Variants in PPP3R1 observed in about 807,000 individuals in gnomAD.
PPP3R1 encodes the protein protein phosphatase 3 regulatory subunit B, alpha, also known as calcineurin subunit B type 1.
Under a neutral mutation model 22.6 loss-of-function variants are expected in PPP3R1, and 5 were observed. The observed-to-expected ratio is 0.22, with a 90% CI of 0.12 to 0.46. PPP3R1 has a LOEUF of 0.46. Among genes scored for constraint, PPP3R1 ranks in the 20% least tolerant of loss-of-function variants. The pLI, the probability that PPP3R1 is intolerant of heterozygous loss-of-function variation, is 0.99. For synonymous variants in PPP3R1, 56 were observed against 65.2 expected, an observed-to-expected ratio of 0.86 and a Z score of 0.68; for missense variants, 61 against 203.2, an observed-to-expected ratio of 0.30 and a Z score of 4.25.
chr2:68,224,370 G>C (rs181393235), intron 1 of PPP3R1, among the ~76,000 whole-genome samples: 68 of 152,178 alleles, frequency 4.5e-4, no homozygotes, highest in African/African-American at 1.6e-3. Context: ...GACTTAAAGA[G>C]TTATGAAGGG....
chr2:68,212,606 T>G (rs757533476), intron 2 of PPP3R1, among the ~76,000 whole-genome samples: 1 of 152,250 alleles, frequency 6.6e-6, no homozygotes, highest in Non-Finnish European at 1.5e-5. Flanking sequence ...GCATTGTCAA[T>G]GAGCAACAAT....
intron 1 of PPP3R1, among the ~76,000 whole-genome samples, chr2:68,230,011 C>CACACACACACACACACACACACACACAT (rs1421392496): frequency 7.2e-6 from 1 of 139,564 alleles, no homozygotes; most frequent in African/African-American, 2.7e-5. Context: ...CACACACACA[C>CACACACACACACACACACACACACACAT]ATATATATTT....
At chr2:68,229,965 T>G (rs1006515550) in intron 1 of PPP3R1, among the ~76,000 whole-genome samples, 2 of 49,494 alleles carry the variant, frequency 4.0e-5, no homozygotes, top group South Asian at 9.3e-4. Context: ...TGTGTATATA[T>G]ACACACATAC....
intron 1 of PPP3R1, among the ~76,000 whole-genome samples, chr2:68,247,817 T>C (rs893428245): frequency 1.3e-5 from 2 of 152,210 alleles, no homozygotes; most frequent in Non-Finnish European, 2.9e-5. Context: ...GTATCTCCTG[T>C]AGGATCCCTA....
At chr2:68,224,546 C>G (rs1223213688) in intron 1 of PPP3R1, among the ~76,000 whole-genome samples, 1 of 151,976 alleles carries the variant, frequency 6.6e-6, no homozygotes, top group East Asian at 1.9e-4. Flanking sequence ...CGCCTGCAAT[C>G]CCAGCTACTC....
chr2:68,199,045 C>T lies in PPP3R1; in HGVS notation c.44-10355G>A, dbSNP rs146036948. Among the ~76,000 whole-genome samples, 26 of 152,270 alleles carry T rather than the reference C, an allele frequency of 1.7e-4. No individual in the cohort carries two copies. The East Asian group carries it at 5.0e-3, about 29-fold the overall frequency. ...GTGGCACGATCTTGGCTCACTGCCA[C>T]CTCCGCCTCCTGGGTTCACACCATT... is the stretch of plus-strand genomic sequence containing the variant. On this transcript the variant is annotated intron_variant, in intron 2 of 5. Coordinates refer to ENST00000234310, the MANE Select transcript of PPP3R1 (RefSeq NM_000945.4).
chr2:68,234,341 C>T (rs970974305), intron 1 of PPP3R1, among the ~76,000 whole-genome samples: 6 of 128,362 alleles, frequency 4.7e-5, no homozygotes, highest in African/African-American at 1.7e-4. Context: ...AGACTCCGTC[C>T]AAAAAAAAAA....
chr2:68,247,655 T>G (rs1670262273), intron 1 of PPP3R1, among the ~76,000 whole-genome samples: 1 of 152,210 alleles, frequency 6.6e-6, no homozygotes, highest in Non-Finnish European at 1.5e-5. Context: ...TCCCCATGTA[T>G]TCCTAAAACC....
intron 1 of PPP3R1, among the ~76,000 whole-genome samples, chr2:68,246,519 A>C (rs1670239589): frequency 6.6e-6 from 1 of 152,096 alleles, no homozygotes; most frequent in South Asian, 2.1e-4. Flanking sequence ...ATTACAACAA[A>C]CTACTATTGA....
intron 2 of PPP3R1, among the ~76,000 whole-genome samples, chr2:68,190,716 C>T (rs1005508090): frequency 1.1e-4 from 16 of 152,262 alleles, no homozygotes; most frequent in African/African-American, 3.9e-4. Context: ...AAACTAAGGA[C>T]ACAGATGAAG....
chr2:68,188,761 C>A, intron 2 of PPP3R1, 71 bp from the exon 3 acceptor site: 16 of 1,360,196 alleles, frequency 1.2e-5, no homozygotes, highest in East Asian at 5.3e-5. Flanking sequence ...TGGGCAGTAG[C>A]AAGATTTTAA....
chr2:68,236,258 G>C (rs1670017722), intron 1 of PPP3R1, among the ~76,000 whole-genome samples: 1 of 152,048 alleles, frequency 6.6e-6, no homozygotes, highest in African/African-American at 2.4e-5. Flanking sequence ...ACATGCGTTT[G>C]TAAAGTTTTA....
At chr2:68,236,984 A>G (rs146542362) in intron 1 of PPP3R1, among the ~76,000 whole-genome samples, 10 of 152,306 alleles carry the variant, frequency 6.6e-5, no homozygotes, top group Non-Finnish European at 1.3e-4. Context: ...AGGAGCTTTA[A>G]AGTAAGCAAG....
intron 1 of PPP3R1, among the ~76,000 whole-genome samples, chr2:68,241,083 G>T (rs1670119343): frequency 6.6e-6 from 1 of 152,076 alleles, no homozygotes; most frequent in South Asian, 2.1e-4. Flanking sequence ...CTCTACAGTG[G>T]TCCCTCAGTA....
rs1425583097 is a variant in PPP3R1 at position 68,180,781 on chromosome 2, T to G, written c.*182A>C. Reference sequence around the variant, plus strand: ...CAGACTTTAAAGTGCTACACTGAGTTATTGAGAGAATTACAGTTCAATAAC... The same window carrying G: ...CAGACTTTAAAGTGCTACACTGAGTGATTGAGAGAATTACAGTTCAATAAC... On this transcript the variant is annotated 3_prime_UTR_variant, in exon 6 of 6. Coordinates refer to ENST00000234310, the MANE Select transcript of PPP3R1 (RefSeq NM_000945.4). 1 of 614,494 alleles carries G rather than the reference T, an allele frequency of 1.6e-6. No individual in the cohort carries two copies. Among genetic ancestry groups the G allele is most frequent in the Admixed American group, 2.8e-5 (1 of 35,188 alleles). The allele number at this position is 614,494 out of a possible 1,614,324, so 38.1% of individuals were successfully genotyped here. A position where few individuals can be genotyped will look rare whatever the true frequency, so the allele number is the denominator to read the frequency against.
At chr2:68,185,468 T>TTA (rs561481581) in intron 5 of PPP3R1, among the ~76,000 whole-genome samples, 4 of 147,806 alleles carry the variant, frequency 2.7e-5, no homozygotes, top group East Asian at 1.9e-4. Context: ...AATTTATATA[T>TTA]TATATATATG....
chr2:68,247,886 A>G (rs540483751), intron 1 of PPP3R1, among the ~76,000 whole-genome samples: 2 of 152,282 alleles, frequency 1.3e-5, no homozygotes, highest in East Asian at 1.9e-4. Context: ...ATAAATTACT[A>G]TAATTATTTC....
intron 1 of PPP3R1, among the ~76,000 whole-genome samples, chr2:68,245,982 GT>G (rs368307976): frequency 3.9e-4 from 58 of 150,262 alleles, no homozygotes; most frequent in African/African-American, 1.4e-3. Flanking sequence ...ACATTAAGTT[GT>G]CAATAATCCT....
At chr2:68,217,442 A>G (rs1669601780) in intron 1 of PPP3R1, among the ~76,000 whole-genome samples, 4 of 152,170 alleles carry the variant, frequency 2.6e-5, no homozygotes, top group Admixed American at 2.6e-4. Context: ...TTAACACATT[A>G]GGGACTGTCA....
Sources: gnomAD v4.1 joint callset for allele counts (sites outside exome capture counted in the v4.1 genomes callset) on GRCh38, gnomAD v4.1.1 for gene constraint, MANE v1.5 for transcripts, NCBI Gene and HGNC (gene_info 2026-07-23, HGNC 2026-07-21) for gene names.